The following COTL1 variants were observed in gnomAD, a reference collection of about 807,000 sequenced individuals.
The protein encoded by COTL1 is coactosin-like protein.
In COTL1, 15 loss-of-function variants were observed where a neutral mutation model predicts 16.5. That is an observed-to-expected ratio of 0.91 (90% CI 0.61 to 1.40). The LOEUF is 1.40. COTL1 is among the 40% of genes most tolerant of loss of function. The pLI is 0.00. For missense variants in COTL1, 220 were observed against 201.5 expected (o/e 1.09, Z -0.56); for synonymous variants, 112 against 85.3 (o/e 1.31, Z -1.73).
chr16:84,612,515 G>C (rs549119248), intron 2 of COTL1, among the ~76,000 whole-genome samples: 2 of 152,200 alleles, frequency 1.3e-5, no homozygotes, highest in South Asian at 4.1e-4. Flanking sequence ...GGGCGCGGTG[G>C]CTCACGCCTG....
Position 84,592,156 on chromosome 16 carries a change from G to A in COTL1, c.161-1894C>T, listed in dbSNP as rs371062806. On this transcript the variant is annotated intron_variant, in intron 2 of 3. Coordinates refer to ENST00000262428, the MANE Select transcript of COTL1 (RefSeq NM_021149.5). ...ACACCCCCAGTTGAGAACCTCTGCT[G>A]TAAACCGTTGGTGTCCCCATTTAAT... 2.0e-5 allele frequency among the ~76,000 whole-genome samples: 3 copies of A among 152,374 alleles called. No homozygotes were observed. In the East Asian group the frequency reaches 5.8e-4, roughly 29 times the overall value.
chr16:84,603,601 A>T lies in COTL1; in HGVS notation c.161-13339T>A, dbSNP rs550827890. On this transcript the variant is annotated intron_variant, in intron 2 of 3. Coordinates refer to ENST00000262428, the MANE Select transcript of COTL1 (RefSeq NM_021149.5). ...TGTTGGGAAGCGCTAGGTGAGGATG[A>T]TAAGGACAAGGCGGCCTTGGGACCA... Among the ~76,000 whole-genome samples, 7 of 152,232 alleles carry T rather than the reference A, an allele frequency of 4.6e-5. No individual in the cohort carries two copies. In the South Asian group the frequency reaches 1.5e-3, roughly 32 times the overall value.
At chr16:84,573,224 C>T (rs904991917) in intron 3 of COTL1, among the ~76,000 whole-genome samples, 15 of 152,218 alleles carry the variant, frequency 9.9e-5, no homozygotes, top group African/African-American at 2.4e-4. Flanking sequence ...TTCTTTTGAA[C>T]CCAGCCTTAG....
At chr16:84,610,155 C>T (rs1338089864) in intron 2 of COTL1, among the ~76,000 whole-genome samples, 1 of 152,248 alleles carries the variant, frequency 6.6e-6, no homozygotes, top group Non-Finnish European at 1.5e-5. Context: ...TCAGTTCTCA[C>T]ATGAGAGGCT....
chr16:84,607,431 T>C (rs1220877835), intron 2 of COTL1, among the ~76,000 whole-genome samples: 1 of 152,192 alleles, frequency 6.6e-6, no homozygotes, highest in Non-Finnish European at 1.5e-5. Flanking sequence ...AGCAAGCGAC[T>C]CTGGCTCTCC....
chr16:84,611,729 A>C (rs1349187593), intron 2 of COTL1, among the ~76,000 whole-genome samples: 1 of 152,224 alleles, frequency 6.6e-6, no homozygotes, highest in African/African-American at 2.4e-5. Context: ...TATCTGAACT[A>C]TATCTACTTG....
In COTL1 at chr16:84,590,011, T is replaced by C. The variant is rs1259054286; in HGVS notation, c.318+94A>G. 5.4e-6 allele frequency: 7 copies of C among 1,305,554 alleles called. No individual in the cohort carries two copies. In the South Asian group the frequency reaches 6.9e-5, roughly 13 times the overall value. The allele number at this position is 1,305,554 out of a possible 1,614,324, so 80.9% of individuals were successfully genotyped here. ...GGCTTGTCCCAAGTCACAGCTAAGC[T>C]ACAGACCCAGGAGTCGAACCCAGCC... is the stretch of plus-strand genomic sequence containing the variant. On this transcript the variant is annotated intron_variant, in intron 3 of 3. Coordinates refer to ENST00000262428, the MANE Select transcript of COTL1 (RefSeq NM_021149.5). This position sits in a 1 kb window ranked among gnomAD's most constrained non-coding sequence, Gnocchi z 5.5.
chr16:84,617,454 C>A (rs1905520261), intron 2 of COTL1, 47 bp downstream of exon 2: 4 of 1,527,826 alleles, frequency 2.6e-6, no homozygotes, highest in Non-Finnish European at 3.5e-6. Flanking sequence ...CGGGTGCAGA[C>A]AACCTCCCAA....
At chr16:84,614,168 C>A (rs1303863613) in intron 2 of COTL1, among the ~76,000 whole-genome samples, 1 of 152,232 alleles carries the variant, frequency 6.6e-6, no homozygotes, top group Non-Finnish European at 1.5e-5. Context: ...TTAATCTGCA[C>A]TGGGCATTTC....
intron 2 of COTL1, among the ~76,000 whole-genome samples, chr16:84,605,483 T>G (rs1905194410): frequency 6.6e-6 from 1 of 151,652 alleles, no homozygotes; most frequent in Non-Finnish European, 1.5e-5. Context: ...GCTTTGAGGG[T>G]GTGGTTAAGG....
At chr16:84,591,725 A>C (rs1450881906) in intron 2 of COTL1, among the ~76,000 whole-genome samples, 1 of 148,596 alleles carries the variant, frequency 6.7e-6, no homozygotes, top group Non-Finnish European at 1.5e-5. Context: ...AGGGAGGCTA[A>C]GGTGGGAGGA....
At chr16:84,595,420 G>C (rs1904977613) in intron 2 of COTL1, 1 of 152,264 alleles carries the variant, frequency 6.6e-6, no homozygotes, top group Non-Finnish European at 1.5e-5. Context: ...TTTTGCAGCT[G>C]CCCGGCAGAC....
At chr16:84,605,282 CAGGTA>C (rs565252671) in intron 2 of COTL1, among the ~76,000 whole-genome samples, 1 of 152,286 alleles carries the variant, frequency 6.6e-6, no homozygotes, top group South Asian at 2.1e-4. Context: ...GCACACACGC[CAGGTA>C]AGAATTGCAG....
At chr16:84,579,483 C>A (rs1904530349) in intron 3 of COTL1, among the ~76,000 whole-genome samples, 1 of 152,158 alleles carries the variant, frequency 6.6e-6, no homozygotes, top group Non-Finnish European at 1.5e-5. Flanking sequence ...ATCAAAATGC[C>A]ATCTCAAAAA....
chr16:84,612,621 A>G (rs1567541501), intron 2 of COTL1, among the ~76,000 whole-genome samples: 1 of 152,180 alleles, frequency 6.6e-6, no homozygotes, highest in Non-Finnish European at 1.5e-5. Flanking sequence ...CGTCTCTACT[A>G]AAAATACAAA....
intron 2 of COTL1, among the ~76,000 whole-genome samples, chr16:84,598,212 G>C (rs1016949659): frequency 3.3e-5 from 5 of 152,154 alleles, no homozygotes; most frequent in African/African-American, 1.2e-4. Flanking sequence ...AAAAGACACA[G>C]CTGTTATGTT....
At chr16:84,571,746 G>A (rs1047559851) in intron 3 of COTL1, among the ~76,000 whole-genome samples, 2 of 152,252 alleles carry the variant, frequency 1.3e-5, no homozygotes, top group Non-Finnish European at 2.9e-5. Flanking sequence ...ACACATGGGT[G>A]AGACGGTGAG....
intron 2 of COTL1, chr16:84,616,336 T>C (rs1429652491): frequency 1.3e-5 from 2 of 152,044 alleles, no homozygotes; most frequent in African/African-American, 4.8e-5. Context: ...ACCCCATCTC[T>C]ACTAAAATTA....
intron 2 of COTL1, among the ~76,000 whole-genome samples, chr16:84,611,911 G>A (rs889982042): frequency 2.0e-5 from 3 of 151,918 alleles, no homozygotes; most frequent in African/African-American, 4.8e-5. Flanking sequence ...TCATACAACC[G>A]GTCTGGCAAA....
Sources: gnomAD v4.1 joint callset for allele counts (sites outside exome capture counted in the v4.1 genomes callset) on GRCh38, gnomAD v4.1.1 for gene constraint, Gnocchi (gnomAD v3.1) non-coding constraint, MANE v1.5 for transcripts, NCBI Gene and HGNC (gene_info 2026-07-23, HGNC 2026-07-21) for gene names.